The following RIPOR2 variants were observed in gnomAD, a reference collection of about 807,000 sequenced individuals.
RIPOR2 encodes the protein RHO family interacting cell polarization regulator 2, also known as rho family-interacting cell polarization regulator 2.
A neutral mutation model predicts 114.5 loss-of-function variants in RIPOR2; 39 were observed. The ratio of observed to expected loss-of-function variants is 0.34; its 90% CI spans 0.26 to 0.44. The LOEUF (loss-of-function observed/expected upper bound fraction) is 0.44, where lower values mean the gene tolerates loss of function less well. Ranked by LOEUF, RIPOR2 falls within the 20% of genes least tolerant of loss-of-function variation. The probability of loss-of-function intolerance (pLI) is 1.00; values close to 1 mark genes in which losing one functional copy is unlikely to be tolerated. For synonymous variants in RIPOR2, 445 were observed against 484.4 expected (o/e 0.92, Z 1.07); for missense variants, 1,007 against 1,255.1 (o/e 0.80, Z 2.99).
rs10946734 is a variant in RIPOR2, at chr6:24,872,670, T to C, written c.423+211A>G. On this transcript the variant is annotated intron_variant, in intron 4 of 21. Coordinates refer to ENST00000643898, the MANE Select transcript of RIPOR2 (RefSeq NM_001286445.3). ...CATTTAAAAAATGATCTCATAAACA[T>C]GCTTGGAAAATATTGAAAAGTATTA... is the stretch of plus-strand genomic sequence containing the variant. Among the ~76,000 whole-genome samples, 6,039 of 152,274 alleles carry C rather than the reference T, an allele frequency of 0.04. 339 individuals carry two copies. Among genetic ancestry groups the C allele is most frequent in the African/African-American group, 0.13 (5,424 of 41,542 alleles).
intron 1 of RIPOR2, among the ~76,000 whole-genome samples, chr6:24,902,351 A>T (rs996917716): frequency 6.6e-6 from 1 of 151,612 alleles, no homozygotes; most frequent in African/African-American, 2.4e-5. Flanking sequence ...AGTAGCTGGG[A>T]TTACAGGCAC....
chr6:24,926,945 T>C, intron 1 of RIPOR2, among the ~76,000 whole-genome samples: 2 of 138,528 alleles, frequency 1.4e-5, no homozygotes, highest in Admixed American at 7.3e-5. Context: ...ACCATGATTA[T>C]TATAATCATC....
intron 1 of RIPOR2, among the ~76,000 whole-genome samples, chr6:25,033,751 C>G (rs1470253239): frequency 2.0e-5 from 3 of 152,316 alleles, no homozygotes; most frequent in African/African-American, 7.2e-5. Context: ...CCTGTAGGTA[C>G]TTGTTTGCTT....
chr6:24,884,838 C>T (rs1159891906), intron 1 of RIPOR2, among the ~76,000 whole-genome samples: 2 of 152,174 alleles, frequency 1.3e-5, no homozygotes, highest in Non-Finnish European at 2.9e-5. Flanking sequence ...TGCTTTAAAA[C>T]ACAGAGAAAA....
At chr6:24,896,498 T>G (rs1433606852) in intron 1 of RIPOR2, among the ~76,000 whole-genome samples, 1 of 152,246 alleles carries the variant, frequency 6.6e-6, no homozygotes, top group African/African-American at 2.4e-5. Context: ...GTACCTGGGC[T>G]GTCATTTTTA....
Position 24,825,458 on chromosome 6 carries a change from G to C in RIPOR2, c.2666-30C>G, listed in dbSNP as rs745681685. 14 of 1,459,716 alleles carry C rather than the reference G, an allele frequency of 9.6e-6. No homozygotes were observed. The South Asian group carries it at 1.7e-4, about 18-fold the overall frequency. 90.4% of individuals were successfully genotyped at this position (1,459,716 alleles called of 1,614,324 possible). Reference sequence around the variant, plus strand: ...AGGGTAAGAAGGAAGGAGATTTCATGTTCTGACATGCTAAAGTAATCAGCT... The same window carrying C: ...AGGGTAAGAAGGAAGGAGATTTCATCTTCTGACATGCTAAAGTAATCAGCT... On this transcript the variant is annotated intron_variant, in intron 18 of 21. Transcript: ENST00000643898.
At chr6:24,882,908 ATG>A (rs1766485548) in intron 1 of RIPOR2, among the ~76,000 whole-genome samples, 1 of 152,186 alleles carries the variant, frequency 6.6e-6, no homozygotes, top group Non-Finnish European at 1.5e-5. Context: ...TCCGCATTAC[ATG>A]TGCCTTTTAT....
At chr6:24,978,131 G>A (rs1266221790) in intron 1 of RIPOR2, among the ~76,000 whole-genome samples, 1 of 152,194 alleles carries the variant, frequency 6.6e-6, no homozygotes, top group Non-Finnish European at 1.5e-5. Context: ...AAAAACTACT[G>A]TATTGCTCAA....
intron 1 of RIPOR2, among the ~76,000 whole-genome samples, chr6:24,990,772 G>T (rs1314028579): frequency 3.3e-5 from 5 of 152,156 alleles, no homozygotes; most frequent in Non-Finnish European, 5.9e-5. Context: ...ACTTAGTAGA[G>T]CACGTGTATG....
At chr6:24,824,900 C>T (rs528717640) in intron 19 of RIPOR2, among the ~76,000 whole-genome samples, 5 of 151,966 alleles carry the variant, frequency 3.3e-5, no homozygotes, top group South Asian at 2.1e-4. Flanking sequence ...TATGTTCTAT[C>T]GAGGAAAGAA....
intron 20 of RIPOR2, 74 bp from the exon 21 acceptor site, chr6:24,809,881 A>G: frequency 1.0e-6 from 1 of 957,982 alleles, no homozygotes; most frequent in Admixed American, 2.0e-5. Flanking sequence ...GCATTTCACA[A>G]CTGGTGGGAA....
chr6:24,986,297 G>T (rs1774525811), intron 1 of RIPOR2, among the ~76,000 whole-genome samples: 1 of 152,172 alleles, frequency 6.6e-6, no homozygotes, highest in African/African-American at 2.4e-5. Flanking sequence ...TGGCAGAACT[G>T]GGATTTAAAT....
At chr6:25,008,295 C>T (rs538689751) in intron 1 of RIPOR2, among the ~76,000 whole-genome samples, 82 of 152,212 alleles carry the variant, frequency 5.4e-4, no homozygotes, top group Middle Eastern at 6.8e-3. Flanking sequence ...GGATTACAGG[C>T]GTGAGCCACC....
chr6:24,884,236 C>A (rs1263833562), intron 1 of RIPOR2, among the ~76,000 whole-genome samples: 1 of 151,742 alleles, frequency 6.6e-6, no homozygotes, highest in Non-Finnish European at 1.5e-5. Context: ...GTGAAACCCC[C>A]GCCTCTACTA....
At chr6:24,809,956 G>T in intron 20 of RIPOR2, 149 bp from the exon 21 acceptor site, 1 of 621,786 alleles carries the variant, frequency 1.6e-6, no homozygotes, top group Non-Finnish European at 2.9e-6. Context: ...CTGCAGCCTT[G>T]ACCTCCTGGG....
At chr6:24,921,730 AGGC>A (rs1383950968) in intron 1 of RIPOR2, among the ~76,000 whole-genome samples, 1 of 151,614 alleles carries the variant, frequency 6.6e-6, no homozygotes, top group Non-Finnish European at 1.5e-5. Flanking sequence ...TAACTTCACA[AGGC>A]TGGGACTTTG....
At chr6:24,833,184 C>T (rs998707150) in intron 15 of RIPOR2, among the ~76,000 whole-genome samples, 1 of 152,178 alleles carries the variant, frequency 6.6e-6, no homozygotes, top group African/African-American at 2.4e-5. Flanking sequence ...ATGCAGAACA[C>T]AGACCTGTAC....
At chr6:24,809,398 T>G (rs1780987750) in intron 21 of RIPOR2, among the ~76,000 whole-genome samples, 1 of 152,214 alleles carries the variant, frequency 6.6e-6, no homozygotes, top group Admixed American at 6.5e-5. Flanking sequence ...CAACACAGCC[T>G]GGATTCCTAT....
At chr6:24,874,174 G>A (rs1353169281) in intron 2 of RIPOR2, among the ~76,000 whole-genome samples, 1 of 152,204 alleles carries the variant, frequency 6.6e-6, no homozygotes, top group Non-Finnish European at 1.5e-5. Context: ...GGGACCACAG[G>A]CATGCACCAC....
Sources: gnomAD v4.1 joint callset for allele counts (sites outside exome capture counted in the v4.1 genomes callset) on GRCh38, gnomAD v4.1.1 for gene constraint, MANE v1.5 for transcripts, NCBI Gene and HGNC (gene_info 2026-07-23, HGNC 2026-07-21) for gene names.